Variants in CYP7B1 observed in about 807,000 individuals in gnomAD.
CYP7B1 encodes cytochrome P450 family 7 subfamily B member 1.
In CYP7B1, 29 loss-of-function variants were observed where a neutral mutation model predicts 42.7. The ratio of observed to expected loss-of-function variants is 0.68; its 90% CI spans 0.51 to 0.93. The LOEUF (loss-of-function observed/expected upper bound fraction) is 0.93, where lower values mean the gene tolerates loss of function less well. Ranked by LOEUF, CYP7B1 falls within the 40% of genes least tolerant of loss-of-function variation. The pLI, the probability that CYP7B1 is intolerant of heterozygous loss-of-function variation, is 0.00. For missense variants in CYP7B1, 655 were observed against 600.5 expected (o/e 1.09, Z -0.95); for synonymous variants, 235 against 218.2 (o/e 1.08, Z -0.68).
At chr8:64,685,553 C>T (rs1230098112) in intron 1 of CYP7B1, among the ~76,000 whole-genome samples, 2 of 32,006 alleles carry the variant, frequency 6.2e-5, no homozygotes, top group South Asian at 8.9e-4. Context: ...TCTGCCCGGC[C>T]GAGACCCCGT....
rs181952688 is a variant in CYP7B1, at chr8:64,769,547, C to T, written c.122+28919G>A. Among the ~76,000 whole-genome samples the T allele has an allele frequency of 2.1e-3, 327 of 152,248 alleles. 1 individual carries two copies. Among genetic ancestry groups the T allele is most frequent in the African/African-American group, 7.3e-3 (303 of 41,548 alleles). On this transcript the variant is annotated intron_variant, in intron 1 of 5. Coordinates refer to ENST00000310193, the MANE Select transcript of CYP7B1 (RefSeq NM_004820.5). ...TTTTTTTCTAAAGACTTTTTTACCCCGTCCTAAGCCTCCATGCCCAATTAA... is the reference window on the plus strand; with the variant it reads ...TTTTTTTCTAAAGACTTTTTTACCCTGTCCTAAGCCTCCATGCCCAATTAA...
chr8:64,610,517 C>A (rs1805348196), intron 4 of CYP7B1, among the ~76,000 whole-genome samples: 1 of 152,052 alleles, frequency 6.6e-6, no homozygotes, highest in Non-Finnish European at 1.5e-5. Flanking sequence ...CAAAATAACA[C>A]CCATAATCTT....
chr8:64,683,100 T>G (rs1391853587), intron 1 of CYP7B1, among the ~76,000 whole-genome samples: 1 of 152,248 alleles, frequency 6.6e-6, no homozygotes, highest in Non-Finnish European at 1.5e-5. Flanking sequence ...ATTATCCCTT[T>G]GCTGCATGAT....
chr8:64,781,565 C>A (rs1418682874), intron 1 of CYP7B1, among the ~76,000 whole-genome samples: 1 of 152,098 alleles, frequency 6.6e-6, no homozygotes, highest in South Asian at 2.1e-4. Context: ...CATCCATCTT[C>A]CAAGCCAGCA....
Position 64,603,569 on chromosome 8 carries a change from T to C in CYP7B1, c.1233+1113A>G, listed in dbSNP as rs183434257. 8.5e-4 allele frequency among the ~76,000 whole-genome samples: 130 copies of C among 152,370 alleles called. 1 individual carries two copies. Among genetic ancestry groups the C allele is most frequent in the Admixed American group, 5.3e-3 (81 of 15,310 alleles). On this transcript the variant is annotated intron_variant, in intron 5 of 5. Coordinates refer to ENST00000310193, the MANE Select transcript of CYP7B1 (RefSeq NM_004820.5). ...CTATTCATTTGCCCTGTTTATTGAATATAATTTTGTTCTTTGATACTTACA... is the reference window on the plus strand; with the variant it reads ...CTATTCATTTGCCCTGTTTATTGAACATAATTTTGTTCTTTGATACTTACA...
At chr8:64,694,463 T>C (rs548272245) in intron 1 of CYP7B1, among the ~76,000 whole-genome samples, 17 of 152,270 alleles carry the variant, frequency 1.1e-4, no homozygotes, top group African/African-American at 4.1e-4. Context: ...GAGCTCTGCA[T>C]GAGTCTGAAA....
chr8:64,692,084 G>C lies in CYP7B1; in HGVS notation c.123-67545C>G, dbSNP rs768052463. Among the ~76,000 whole-genome samples, 12 of 152,170 alleles carry C rather than the reference G, an allele frequency of 7.9e-5. No individual in the cohort carries two copies. The East Asian group carries it at 1.4e-3, about 17-fold the overall frequency. ...TGGAAAGGATCACAGAAATGAATAC[G>C]CATATGCTAACAATAGGTACCTACC... On this transcript the variant is annotated intron_variant, in intron 1 of 5. Coordinates refer to ENST00000310193, the MANE Select transcript of CYP7B1 (RefSeq NM_004820.5).
intron 1 of CYP7B1, among the ~76,000 whole-genome samples, chr8:64,665,796 G>A (rs1245422378): frequency 2.0e-5 from 3 of 151,786 alleles, no homozygotes; most frequent in African/African-American, 4.8e-5. Flanking sequence ...GGCTGGTCTC[G>A]AACTCCCGAC....
intron 1 of CYP7B1, among the ~76,000 whole-genome samples, chr8:64,675,480 A>G (rs1806432295): frequency 6.6e-6 from 1 of 150,566 alleles, no homozygotes; most frequent in African/African-American, 2.4e-5. Flanking sequence ...TTATTATTTT[A>G]TATTACTTAT....
chr8:64,683,035 T>C (rs1416566348), intron 1 of CYP7B1, among the ~76,000 whole-genome samples: 1 of 152,224 alleles, frequency 6.6e-6, no homozygotes, highest in Non-Finnish European at 1.5e-5. Flanking sequence ...CACTTTGTTC[T>C]ACCTTCAAAA....
intron 1 of CYP7B1, among the ~76,000 whole-genome samples, chr8:64,706,808 T>C (rs1205512635): frequency 6.6e-6 from 1 of 152,034 alleles, no homozygotes; most frequent in Non-Finnish European, 1.5e-5. Flanking sequence ...TCATCTCCAA[T>C]GTGGTACAAT....
At chr8:64,691,758 G>C (rs1193979580) in intron 1 of CYP7B1, among the ~76,000 whole-genome samples, 1 of 152,142 alleles carries the variant, frequency 6.6e-6, no homozygotes, top group Non-Finnish European at 1.5e-5. Flanking sequence ...TGCTCATCCA[G>C]TCCAACCTCC....
At chr8:64,723,122 T>C (rs969687422) in intron 1 of CYP7B1, among the ~76,000 whole-genome samples, 2 of 152,232 alleles carry the variant, frequency 1.3e-5, no homozygotes, top group African/African-American at 4.8e-5. Flanking sequence ...CTTGAACATT[T>C]TGAAAACCGT....
chr8:64,788,000 A>C (rs1281863254), intron 1 of CYP7B1, among the ~76,000 whole-genome samples: 1 of 152,168 alleles, frequency 6.6e-6, no homozygotes. Context: ...AGCATGAGGG[A>C]AACCAGCCCC....
Position 64,604,681 on chromosome 8 carries a change from C to G in CYP7B1, c.1233+1G>C. On this transcript the variant is annotated splice_donor_variant, in intron 5 of 5. Coordinates refer to ENST00000310193, the MANE Select transcript of CYP7B1 (RefSeq NM_004820.5). LOFTEE classifies it high-confidence loss of function. Reference sequence around the variant, plus strand: ...CAATCATAGGCTTGATGTTTACTTACCTCTGGAGCTTCAAAGATTTCAGGG... The same window carrying G: ...CAATCATAGGCTTGATGTTTACTTAGCTCTGGAGCTTCAAAGATTTCAGGG... 6.2e-7 allele frequency: 1 copy of G among 1,614,030 alleles called. No homozygotes were observed. Among genetic ancestry groups the G allele is most frequent in the Non-Finnish European group, 8.5e-7 (1 of 1,180,008 alleles).
chr8:64,678,648 C>T (rs1405064267), intron 1 of CYP7B1, among the ~76,000 whole-genome samples: 1 of 152,138 alleles, frequency 6.6e-6, no homozygotes, highest in East Asian at 1.9e-4. Flanking sequence ...TCCTTGCCTG[C>T]TGGTCACATA....
intron 2 of CYP7B1, among the ~76,000 whole-genome samples, chr8:64,622,651 G>A (rs1191507926): frequency 6.6e-6 from 1 of 152,038 alleles, no homozygotes; most frequent in Non-Finnish European, 1.5e-5. Context: ...TAACTAGAGG[G>A]GAACCTTAAG....
intron 1 of CYP7B1, among the ~76,000 whole-genome samples, chr8:64,773,135 T>G (rs1375387165): frequency 1.3e-5 from 2 of 152,224 alleles, no homozygotes; most frequent in Non-Finnish European, 2.9e-5. Context: ...AATTAATATC[T>G]GCTTATAATG....
At chr8:64,743,768 G>C (rs1807603479) in intron 1 of CYP7B1, among the ~76,000 whole-genome samples, 1 of 151,898 alleles carries the variant, frequency 6.6e-6, no homozygotes, top group African/African-American at 2.4e-5. Context: ...TCATATTTGG[G>C]GCTCAATATA....
Sources: gnomAD v4.1 joint callset for allele counts (sites outside exome capture counted in the v4.1 genomes callset) on GRCh38, gnomAD v4.1.1 for gene constraint, MANE v1.5 for transcripts, NCBI Gene and HGNC (gene_info 2026-07-23, HGNC 2026-07-21) for gene names.